Variants in MEGF10 observed in about 807,000 individuals in gnomAD.
MEGF10 encodes the protein multiple epidermal growth factor-like domains protein 10.
MEGF10 carries 86 observed loss-of-function variants against 147.5 expected under a neutral mutation model. That is an observed-to-expected ratio of 0.58 (90% CI 0.49 to 0.70). The LOEUF (loss-of-function observed/expected upper bound fraction) is 0.70. Among genes scored for constraint, MEGF10 ranks in the 30% least tolerant of loss-of-function variants. The probability of loss-of-function intolerance (pLI) is 0.00; values close to 1 mark genes in which losing one functional copy is unlikely to be tolerated. For missense variants in MEGF10, 1,329 were observed against 1,487.3 expected, an observed-to-expected ratio of 0.89 and a Z score of 1.75; for synonymous variants, 478 against 525.5, an observed-to-expected ratio of 0.91 and a Z score of 1.24.
At position 127,426,406 on chromosome 5, in the gene MEGF10, G is replaced by T. The variant is rs188032291; in HGVS notation, c.1693+3634G>T. On this transcript the variant is annotated intron_variant, in intron 13 of 24. Transcript: ENST00000503335. ...TTTCCAAAAAAAGTACCATTTTATT[G>T]TAGTATGTGGTTATTTAAAACCTTA... Among the ~76,000 whole-genome samples the T allele has an allele frequency of 2.3e-3, 353 of 152,256 alleles. 3 individuals are homozygous for T. Among genetic ancestry groups the T allele is most frequent in the Middle Eastern group, 0.01 (3 of 294 alleles).
chr5:127,394,171 C>T (rs1763815681), intron 5 of MEGF10, among the ~76,000 whole-genome samples: 1 of 152,028 alleles, frequency 6.6e-6, no homozygotes, highest in African/African-American at 2.4e-5. Context: ...CTCTACTGAA[C>T]ATAAGGAGTT....
At chr5:127,303,912 A>G (rs1759890785) in intron 1 of MEGF10, among the ~76,000 whole-genome samples, 1 of 152,240 alleles carries the variant, frequency 6.6e-6, no homozygotes, top group South Asian at 2.1e-4. Flanking sequence ...ATGAAGTTTA[A>G]TTGAGAAAAT....
chr5:127,302,705 A>G (rs1197887447), intron 1 of MEGF10, among the ~76,000 whole-genome samples: 1 of 152,200 alleles, frequency 6.6e-6, no homozygotes, highest in African/African-American at 2.4e-5. Flanking sequence ...CGTGTGTGCT[A>G]TGAGGCAAGC....
chr5:127,363,393 G>A (rs987369787), intron 4 of MEGF10, among the ~76,000 whole-genome samples: 3 of 152,154 alleles, frequency 2.0e-5, no homozygotes, highest in Non-Finnish European at 4.4e-5. Flanking sequence ...TCAGAGTGAA[G>A]GGTTCCATGA....
chr5:127,249,818 G>T, the MEGF10 span, among the ~76,000 whole-genome samples: 1 of 152,072 alleles, frequency 6.6e-6, no homozygotes, highest in South Asian at 2.1e-4. Flanking sequence ...CAAGGCAGCA[G>T]CAGGTTTAGT....
Position 127,331,512 on chromosome 5 carries a change from T to C in MEGF10, c.116+88T>C. The C allele has an allele frequency of 5.3e-6, 4 of 755,326 alleles. No homozygotes were observed. The Admixed American group carries it at 1.0e-4, about 20-fold the overall frequency. 46.8% of individuals were successfully genotyped at this position (755,326 alleles called of 1,614,324 possible). A position where few individuals can be genotyped will look rare whatever the true frequency, so the allele number is the denominator to read the frequency against. Reference sequence around the variant, plus strand: ...ATCAGTCAGATGTATAAAATTAGAATTTGTGAAGAGATTGTGAAATTACTT... The same window carrying C: ...ATCAGTCAGATGTATAAAATTAGAACTTGTGAAGAGATTGTGAAATTACTT... On this transcript the variant is annotated intron_variant, in intron 2 of 24. Coordinates refer to ENST00000503335, the MANE Select transcript of MEGF10 (RefSeq NM_001256545.2).
rs547368350 is a variant in MEGF10, at chr5:127,405,651, C to T, written c.917+2969C>T. Among the ~76,000 whole-genome samples, 39 of 152,180 alleles carry T rather than the reference C, an allele frequency of 2.6e-4. 1 individual carries two copies. The highest frequency in any genetic ancestry group is 8.9e-4 in the African/African-American group (37 of 41,554). On this transcript the variant is annotated intron_variant, in intron 8 of 24. Coordinates refer to ENST00000503335, the MANE Select transcript of MEGF10 (RefSeq NM_001256545.2). ...ATTTGAGCCTCCAAATTAATGTTGACAAACAGCAGTAAAAGTAAAAATCCC... is the reference window on the plus strand; with the variant it reads ...ATTTGAGCCTCCAAATTAATGTTGATAAACAGCAGTAAAAGTAAAAATCCC...
intron 13 of MEGF10, among the ~76,000 whole-genome samples, chr5:127,429,362 G>T (rs1765321680): frequency 6.6e-6 from 1 of 152,212 alleles, no homozygotes; most frequent in Admixed American, 6.5e-5. Flanking sequence ...CACCATTTTT[G>T]ATATACAACC....
In MEGF10 at chr5:127,310,037, T is replaced by TCCTTC. The variant is rs764762333; in HGVS notation, c.-19+18982_-19+18983insCTTCC. ...TTCTTTTTTTCTTTCTTTCTTTCCT[T>TCCTTC]CTTTCTTTATTTCTTTCTTTCTTTC... On this transcript the variant is annotated intron_variant, in intron 1 of 24. Coordinates refer to ENST00000503335, the MANE Select transcript of MEGF10 (RefSeq NM_001256545.2). Among the ~76,000 whole-genome samples the TCCTTC allele has an allele frequency of 5.8e-4, 28 of 48,118 alleles. 5 individuals are homozygous for TCCTTC. Among genetic ancestry groups the TCCTTC allele is most frequent in the Non-Finnish European group, 1.0e-3 (19 of 18,572 alleles). 31.6% of individuals were successfully genotyped at this position (48,118 alleles called of 152,430 possible).
the MEGF10 span, among the ~76,000 whole-genome samples, chr5:127,270,535 A>G: frequency 1.3e-5 from 2 of 152,252 alleles, no homozygotes; most frequent in Non-Finnish European, 2.9e-5. Flanking sequence ...AGAGCTAACT[A>G]TCTTAAATAT....
the MEGF10 span, among the ~76,000 whole-genome samples, chr5:127,238,015 G>A: frequency 6.1e-5 from 9 of 147,224 alleles, no homozygotes; most frequent in South Asian, 2.0e-3. Flanking sequence ...TTTTAACAGG[G>A]TATAAACTTC....
rs146589058 is a variant in MEGF10, at chr5:127,452,713, A to G, written c.2981-1853A>G. Among the ~76,000 whole-genome samples the G allele has an allele frequency of 3.5e-4, 53 of 152,326 alleles. 1 individual carries two copies. In the East Asian group the frequency reaches 8.9e-3, roughly 26 times the overall value. ...ATCACTTGGTTACACTATCCGGTGT[A>G]TCCCTGGGCCTCCGGGTGAACAAAA... On this transcript the variant is annotated intron_variant, in intron 22 of 24. Transcript: ENST00000503335.
intron 5 of MEGF10, among the ~76,000 whole-genome samples, chr5:127,386,982 A>G (rs1406741793): frequency 6.6e-6 from 1 of 152,204 alleles, no homozygotes; most frequent in African/African-American, 2.4e-5. Flanking sequence ...TTCTGTAGCG[A>G]TGAATTGGCC....
intron 5 of MEGF10, among the ~76,000 whole-genome samples, chr5:127,377,566 C>T (rs140939736): frequency 2.0e-5 from 3 of 152,086 alleles, no homozygotes; most frequent in East Asian, 1.9e-4. Flanking sequence ...TCAGGTGCAG[C>T]GTAAGGAACA....
chr5:127,264,706 G>T, the MEGF10 span, among the ~76,000 whole-genome samples: 2 of 151,884 alleles, frequency 1.3e-5, no homozygotes, highest in Non-Finnish European at 2.9e-5. Context: ...GTCCTGGCTC[G>T]GTCTAAGTAA....
chr5:127,278,015 T>C, the MEGF10 span, among the ~76,000 whole-genome samples: 5 of 152,284 alleles, frequency 3.3e-5, no homozygotes, highest in African/African-American at 1.2e-4. Flanking sequence ...CCTGAAGATC[T>C]ATATTTAGGA....
At chr5:127,435,239 C>T in intron 15 of MEGF10, 122 bp from the exon 16 acceptor site, 1 of 1,171,502 alleles carries the variant, frequency 8.5e-7, no homozygotes, top group Non-Finnish European at 1.2e-6. Flanking sequence ...TGCTGTTGAG[C>T]AGAGATAGCT....
At chr5:127,287,972 T>C (rs1759081895), upstream of MEGF10, among the ~76,000 whole-genome samples, 1 of 152,014 alleles carries the variant, frequency 6.6e-6, no homozygotes, top group South Asian at 2.1e-4. Flanking sequence ...TGATTTTCAA[T>C]AAAGGTATCC....
intron 4 of MEGF10, among the ~76,000 whole-genome samples, chr5:127,342,640 A>G (rs1316356319): frequency 1.3e-5 from 2 of 152,108 alleles, no homozygotes; most frequent in Non-Finnish European, 2.9e-5. Flanking sequence ...TCAGTAGTGC[A>G]GCCCTTCTTA....
Sources: allele counts gnomAD v4.1 joint callset (sites outside exome capture counted in the v4.1 genomes callset), GRCh38; gene constraint gnomAD v4.1.1; transcripts MANE v1.5; gene names NCBI Gene and HGNC (gene_info 2026-07-23, HGNC 2026-07-21).